SBSPON: variants seen among roughly 807,000 people sequenced by gnomAD.
SBSPON encodes the protein somatomedin B and thrombospondin type 1 domain containing, also known as somatomedin-B and thrombospondin type-1 domain-containing protein.
SBSPON carries 30 observed loss-of-function variants against 35.8 expected under a neutral mutation model. The ratio of observed to expected loss-of-function variants is 0.84; its 90% CI spans 0.63 to 1.14. The LOEUF (loss-of-function observed/expected upper bound fraction) is 1.14. Among genes scored for constraint, SBSPON ranks in the 50% most tolerant of loss-of-function variants. SBSPON has a pLI of 0.00. For missense variants in SBSPON, 364 were observed against 357.7 expected (o/e 1.02, Z -0.14); for synonymous variants, 136 against 135.9 (o/e 1.00, Z 0.00).
At chr8:73,089,306 C>T (rs1021401420) in intron 1 of SBSPON, among the ~76,000 whole-genome samples, 11 of 152,158 alleles carry the variant, frequency 7.2e-5, no homozygotes, top group African/African-American at 2.7e-4. Flanking sequence ...GTAATCCTAA[C>T]ACTTTGGGAG....
chr8:73,076,939 T>G (rs1810604906), intron 2 of SBSPON, among the ~76,000 whole-genome samples: 1 of 152,116 alleles, frequency 6.6e-6, no homozygotes, highest in Non-Finnish European at 1.5e-5. Flanking sequence ...AGAGTTTCGC[T>G]CTTGTTGCCC....
Position 73,081,066 on chromosome 8 carries a change from C to T in SBSPON, c.362G>A (p.Cys121Tyr). 1.2e-6 allele frequency: 2 copies of T among 1,612,074 alleles called. No individual in the cohort carries two copies. The change falls in exon 2 of 5, where the codon TGC becomes TAC. Residue 121 changes from cysteine to tyrosine, a missense_variant. By Grantham distance (194) the Cys-to-Tyr change is radical. Coordinates refer to ENST00000297354, the MANE Select transcript of SBSPON (RefSeq NM_153225.4). The part of the protein sequence containing the change: ...PCPPLEERAG[C>Y]LEYSTPQGQD... ...GCCCTGCGGGGTGGAGTACTCCAGG[C>T]AGCCAGCTCTCTCTTCCAGGGGTGG...
chr8:73,081,001 C>T lies in SBSPON; in HGVS notation c.409+18G>A. On this transcript the variant is annotated intron_variant, in intron 2 of 4. Coordinates refer to ENST00000297354, the MANE Select transcript of SBSPON (RefSeq NM_153225.4). The stretch of plus-strand genomic sequence containing the variant: ...TCATCACAGATAACAAAGGCAGCAA[C>T]CATGAAAACATCAGTACCATAGGTG... 1 of 1,539,244 alleles carries T rather than the reference C, an allele frequency of 6.5e-7. No homozygotes were observed. Among genetic ancestry groups the T allele is most frequent in the Non-Finnish European group, 8.8e-7 (1 of 1,140,014 alleles).
chr8:73,092,023 A>G (rs1456497933), intron 1 of SBSPON, among the ~76,000 whole-genome samples: 1 of 152,240 alleles, frequency 6.6e-6, no homozygotes, highest in Non-Finnish European at 1.5e-5. Flanking sequence ...GGCTTCTCTC[A>G]GGTACACCTT....
chr8:73,080,765 G>A lies in SBSPON; in HGVS notation c.409+254C>T, dbSNP rs56950632. On this transcript the variant is annotated intron_variant, in intron 2 of 4. Coordinates refer to ENST00000297354, the MANE Select transcript of SBSPON (RefSeq NM_153225.4). ...TGCGGTTTATTTCATTACTGAGTCC[G>A]TGCACAATGAGAATGGGCCATCGGA... 5.9e-3 allele frequency among the ~76,000 whole-genome samples: 895 copies of A among 152,176 alleles called. 6 individuals are homozygous for A. Among genetic ancestry groups the A allele is most frequent in the African/African-American group, 0.021 (862 of 41,502 alleles).
chr8:73,071,890 G>A lies in SBSPON; in HGVS notation c.410-20C>T. The A allele has an allele frequency of 6.6e-7, 1 of 1,523,664 alleles. No individual in the cohort carries two copies. 94.4% of individuals were successfully genotyped at this position (1,523,664 alleles called of 1,614,324 possible). A position where few individuals can be genotyped will look rare whatever the true frequency, so the allele number is the denominator to read the frequency against. ...CAGGAACTGGAAAAGGGAGATTTCTGTTGAATTCAGGGAGCCAAAGTACTC... is the reference window on the plus strand; with the variant it reads ...CAGGAACTGGAAAAGGGAGATTTCTATTGAATTCAGGGAGCCAAAGTACTC... On this transcript the variant is annotated intron_variant, in intron 2 of 4. Coordinates refer to ENST00000297354, the MANE Select transcript of SBSPON (RefSeq NM_153225.4).
intron 2 of SBSPON, among the ~76,000 whole-genome samples, chr8:73,074,827 G>GC (rs1810561491): frequency 6.6e-6 from 1 of 152,214 alleles, no homozygotes; most frequent in Admixed American, 6.5e-5. Context: ...GGGTACCATG[G>GC]CCCCTGGTAT....
In SBSPON at chr8:73,064,673, T is replaced by A. The variant is rs1175066241; in HGVS notation, c.*2668A>T. The stretch of plus-strand genomic sequence containing the variant: ...TGCTGTTGCGGTTTATGCTTAATTG[T>A]AACATTCTCGAATAAAAACCAAAGC... On this transcript the variant is annotated 3_prime_UTR_variant, in exon 5 of 5. Transcript: ENST00000297354. 2 of 152,222 alleles carry A rather than the reference T, an allele frequency of 1.3e-5. No homozygotes were observed. The highest frequency in any genetic ancestry group is 2.9e-5 in the Non-Finnish European group (2 of 68,044). 9.4% of individuals were successfully genotyped at this position (152,222 alleles called of 1,614,324 possible). A position where few individuals can be genotyped will look rare whatever the true frequency, so the allele number is the denominator to read the frequency against.
At chr8:73,076,820 A>ACAG (rs1810602926) in intron 2 of SBSPON, among the ~76,000 whole-genome samples, 1 of 152,166 alleles carries the variant, frequency 6.6e-6, no homozygotes, top group African/African-American at 2.4e-5. Flanking sequence ...AAAGGCCTGT[A>ACAG]GCCCAGCTGA....
intron 1 of SBSPON, among the ~76,000 whole-genome samples, chr8:73,091,565 G>A (rs1291712570): frequency 6.6e-6 from 1 of 152,166 alleles, no homozygotes; most frequent in Non-Finnish European, 1.5e-5. Flanking sequence ...GAGGCCGACA[G>A]TTTAGGATGC....
chr8:73,073,861 G>A (rs1248580927), intron 2 of SBSPON, among the ~76,000 whole-genome samples: 5 of 151,528 alleles, frequency 3.3e-5, no homozygotes, highest in African/African-American at 9.7e-5. Flanking sequence ...GCCTAATACC[G>A]GGTAGCCACT....
chr8:73,078,193 T>C (rs1397849817), intron 2 of SBSPON, among the ~76,000 whole-genome samples: 2 of 152,130 alleles, frequency 1.3e-5, no homozygotes, highest in Non-Finnish European at 2.9e-5. Context: ...TGGGTGGGGC[T>C]GAGGAACCAG....
At chr8:73,074,288 G>T (rs1290859663) in intron 2 of SBSPON, among the ~76,000 whole-genome samples, 2 of 152,094 alleles carry the variant, frequency 1.3e-5, no homozygotes, top group Admixed American at 1.3e-4. Flanking sequence ...GCTATGAAGT[G>T]GAAGGAAAAC....
Position 73,067,245 on chromosome 8 carries a change from G to A in SBSPON, c.*96C>T, listed in dbSNP as rs1185489281. 2.7e-6 allele frequency: 2 copies of A among 743,160 alleles called. No individual in the cohort carries two copies. The highest frequency in any genetic ancestry group is 2.7e-5 in the East Asian group (1 of 36,944). The allele number at this position is 743,160 out of a possible 1,614,324, so 46.0% of individuals were successfully genotyped here. A position where few individuals can be genotyped will look rare whatever the true frequency, so the allele number is the denominator to read the frequency against. On this transcript the variant is annotated 3_prime_UTR_variant, in exon 5 of 5. Coordinates refer to ENST00000297354, the MANE Select transcript of SBSPON (RefSeq NM_153225.4). ...AGAGTGTGGCAATGATGTGTTTGGG[G>A]ACTTTGGCCAAAATTGAAGGTTTAG...
intron 3 of SBSPON, 72 bp downstream of exon 3, chr8:73,071,708 T>G: frequency 1.2e-6 from 1 of 852,808 alleles, no homozygotes; most frequent in East Asian, 2.6e-5. Context: ...ATAAACCAAG[T>G]TGACCCTCTT....
intron 2 of SBSPON, chr8:73,074,617 C>T: frequency 2.1e-6 from 2 of 970,252 alleles, no homozygotes; most frequent in Non-Finnish European, 2.4e-6. Flanking sequence ...AGTTCCAGTA[C>T]TGTTTGCAGC....
rs568587648 is a variant in SBSPON at position 73,093,069 on chromosome 8, G to C, written c.-2C>G. On this transcript the variant is annotated 5_prime_UTR_variant, in exon 1 of 5. Transcript: ENST00000297354. ...CAGCGCCATCCACAGGGTCCTCATG[G>C]CCAGGGCTCCGGCGGCGCCTGCGAC... 2.2e-6 allele frequency: 3 copies of C among 1,335,578 alleles called. No homozygotes were observed. Among genetic ancestry groups the C allele is most frequent in the Non-Finnish European group, 2.9e-6 (3 of 1,047,192 alleles). The allele number at this position is 1,335,578 out of a possible 1,614,324, so 82.7% of individuals were successfully genotyped here. A position where few individuals can be genotyped will look rare whatever the true frequency, so the allele number is the denominator to read the frequency against.
intron 2 of SBSPON, chr8:73,075,866 C>T: frequency 6.6e-6 from 2 of 304,468 alleles, no homozygotes; most frequent in Non-Finnish European, 9.6e-6. Flanking sequence ...AAACAATTGT[C>T]AATGATGTGC....
chr8:73,075,830 C>T, intron 2 of SBSPON: 1 of 674,422 alleles, frequency 1.5e-6, no homozygotes, highest in East Asian at 1.3e-4. Flanking sequence ...CATTGATCTC[C>T]TTTTAGGAGG....
Sources: allele counts gnomAD v4.1 joint callset (sites outside exome capture counted in the v4.1 genomes callset), GRCh38; gene constraint gnomAD v4.1.1; transcripts MANE v1.5; gene names NCBI Gene and HGNC (gene_info 2026-07-23, HGNC 2026-07-21).